POGLUT3: variants seen among roughly 807,000 people sequenced by gnomAD.
POGLUT3 encodes the protein protein O-glucosyltransferase 3.
A neutral mutation model predicts 54.3 loss-of-function variants in POGLUT3; 48 were observed. The observed-to-expected ratio is 0.88, with a 90% confidence interval of 0.70 to 1.12. The LOEUF is 1.12. POGLUT3 is among the 50% of genes most tolerant of loss of function. POGLUT3 has a pLI of 0.00. For missense variants in POGLUT3, 629 were observed against 618.7 expected (o/e 1.02, Z -0.18); for synonymous variants, 218 against 237.4 (o/e 0.92, Z 0.75).
At chr11:108,496,900 A>C (rs1250695960) in intron 1 of POGLUT3, among the ~76,000 whole-genome samples, 3 of 152,102 alleles carry the variant, frequency 2.0e-5, no homozygotes, top group Admixed American at 2.0e-4. Flanking sequence ...TACAGTACTT[A>C]TTTTCCCGAA....
intron 2 of POGLUT3, among the ~76,000 whole-genome samples, chr11:108,487,702 C>A (rs2093606113): frequency 6.6e-6 from 1 of 152,086 alleles, no homozygotes; most frequent in Non-Finnish European, 1.5e-5. Context: ...ACCTCCTCCT[C>A]CCATGCTCAA....
intron 1 of POGLUT3, among the ~76,000 whole-genome samples, chr11:108,493,742 T>G (rs2093617086): frequency 6.8e-6 from 1 of 146,728 alleles, no homozygotes; most frequent in South Asian, 2.1e-4. Context: ...AGGCGGAGGT[T>G]GCAGTGAGCC....
chr11:108,477,683 G>A lies in POGLUT3; in HGVS notation c.1322C>T (p.Ala441Val). Residue 441 changes from alanine to valine, a missense_variant, in exon 7 of 8, where the codon GCA becomes GTA. By Grantham distance (64) the Ala-to-Val change is moderately conservative. Transcript: ENST00000323468. ...KENDEEAKKI[A>V]KEGQLMARDL... ...CCTAGCCATCAACTGTCCTTCTTTT[G>A]CAATCTTCTTGGCTTCTTCATCATT... 1.2e-6 allele frequency: 2 copies of A among 1,612,516 alleles called. No individual in the cohort carries two copies. Among genetic ancestry groups the A allele is most frequent in the Non-Finnish European group, 1.7e-6 (2 of 1,178,770 alleles).
chr11:108,493,803 CAAAAA>C (rs11351337), intron 1 of POGLUT3, among the ~76,000 whole-genome samples: 1 of 82,064 alleles, frequency 1.2e-5, no homozygotes. Context: ...GACTCTGTCT[CAAAAA>C]AAAAAAAAAA....
In POGLUT3 at chr11:108,481,324, G is replaced by T; in HGVS notation, c.954C>A (p.Ser318Arg). 1 of 1,610,310 alleles carries T rather than the reference G, an allele frequency of 6.2e-7. No individual in the cohort carries two copies. The highest frequency in any genetic ancestry group is 1.1e-5 in the South Asian group (1 of 90,022). The stretch of plus-strand genomic sequence containing the variant: ...GTACCAACTGGAGCCTCTCCTCTCG[G>T]CTGTCTCTACCTCTGAAGAAAGCTC... Reference protein sequence around the residue: ...TERAFFRGRDSREERLQLVQL... With the variant: ...TERAFFRGRDRREERLQLVQL... The change falls in exon 5 of 8, where the codon AGC becomes AGA. Residue 318 changes from serine (S) to arginine (R), a missense_variant. Ser to Arg is a moderately radical substitution (Grantham distance 110, BLOSUM62 -1). Coordinates refer to ENST00000323468, the MANE Select transcript of POGLUT3 (RefSeq NM_153705.5).
chr11:108,491,368 T>TC, intron 1 of POGLUT3: 2 of 605,202 alleles, frequency 3.3e-6, no homozygotes, highest in Non-Finnish European at 2.9e-6. Flanking sequence ...TTTTTTTTCT[T>TC]TTTTGAGACA....
intron 2 of POGLUT3, among the ~76,000 whole-genome samples, chr11:108,490,124 T>C (rs1320712161): frequency 6.6e-6 from 1 of 152,164 alleles, no homozygotes; most frequent in Admixed American, 6.5e-5. Context: ...AGTGATCCTC[T>C]GGCCTTGGCC....
chr11:108,498,097 A>C, intron 1 of POGLUT3, 68 bp downstream of exon 1: 1 of 1,347,460 alleles, frequency 7.4e-7, no homozygotes, highest in Non-Finnish European at 9.7e-7. Flanking sequence ...CCGCGGGCGG[A>C]CTCCCGGGCG....
chr11:108,476,468 C>G (rs1397751125), intron 7 of POGLUT3, among the ~76,000 whole-genome samples: 2 of 152,070 alleles, frequency 1.3e-5, no homozygotes, highest in Non-Finnish European at 2.9e-5. Flanking sequence ...ACGATTAAAG[C>G]TAGACCAACA....
intron 2 of POGLUT3, among the ~76,000 whole-genome samples, chr11:108,488,315 G>A (rs138304575): frequency 0.014 from 2,138 of 152,282 alleles, 34 homozygotes; most frequent in Non-Finnish European, 0.02. Flanking sequence ...GTGAGTCACC[G>A]CACCTGGCCT....
intron 3 of POGLUT3, among the ~76,000 whole-genome samples, chr11:108,485,125 G>GT (rs1259228043): frequency 4.6e-5 from 7 of 151,402 alleles, no homozygotes; most frequent in Non-Finnish European, 8.8e-5. Context: ...TTGTTTGTTT[G>GT]TTTTTTAGTA....
rs1416849310 is a variant in POGLUT3 at position 108,474,557 on chromosome 11, T to G, written c.*270A>C. 8.5e-6 allele frequency: 2 copies of G among 234,826 alleles called. No individual in the cohort carries two copies. Among genetic ancestry groups the G allele is most frequent in the African/African-American group, 2.3e-5 (1 of 44,434 alleles). The allele number at this position is 234,826 out of a possible 1,614,324, so 14.5% of individuals were successfully genotyped here. Reference sequence around the variant, plus strand: ...ATATATAAAATATAAATGAATTTTGTGTTTAGACTTGGATCTCATCCCCAA... The same window carrying G: ...ATATATAAAATATAAATGAATTTTGGGTTTAGACTTGGATCTCATCCCCAA... On this transcript the variant is annotated 3_prime_UTR_variant, in exon 8 of 8. Coordinates refer to ENST00000323468, the MANE Select transcript of POGLUT3 (RefSeq NM_153705.5).
chr11:108,476,026 A>ACACAGC (rs2093581038), intron 7 of POGLUT3, among the ~76,000 whole-genome samples: 26 of 152,210 alleles, frequency 1.7e-4, no homozygotes, highest in Non-Finnish European at 3.1e-4. Flanking sequence ...AGTCCCAGCT[A>ACACAGC]CTAGTGGGAG....
At chr11:108,475,275 T>G (rs1211535453) in intron 7 of POGLUT3, among the ~76,000 whole-genome samples, 1 of 152,120 alleles carries the variant, frequency 6.6e-6, no homozygotes, top group African/African-American at 2.4e-5. Context: ...CCACTTGTTA[T>G]TGAATAATTA....
intron 2 of POGLUT3, among the ~76,000 whole-genome samples, 195 bp downstream of exon 2, chr11:108,490,775 C>T (rs1298681665): frequency 1.3e-5 from 2 of 151,834 alleles, no homozygotes; most frequent in Non-Finnish European, 2.9e-5. Context: ...GATGTAAATA[C>T]ACAAGATTTT....
chr11:108,479,267 T>C (rs1264594654), intron 6 of POGLUT3, 34 bp downstream of exon 6: 4 of 1,468,200 alleles, frequency 2.7e-6, no homozygotes, highest in Middle Eastern at 2.0e-4. Context: ...GAATTTGTTA[T>C]TGCTTAAAGA....
At chr11:108,475,458 TTTTTGTTTTTG>T (rs1304654979) in intron 7 of POGLUT3, among the ~76,000 whole-genome samples, 1 of 123,694 alleles carries the variant, frequency 8.1e-6, no homozygotes, top group African/African-American at 3.3e-5. Context: ...AATGGAGTTT[TTTTTGTTTTTG>T]TTTTTTTTTT....
rs371693827 is a variant in POGLUT3, at chr11:108,479,310, T to C, written c.1284A>G (p.Lys428=). ...ATTGCTGGACGCATACCTTAGCCCA[T>C]TTAACTTTCTCTAATAAATCACTCA... The part of the protein sequence containing the change: ...RNLSDLLEKV[K]WAKENDEEAK... The change falls in exon 6 of 8, where the codon AAA becomes AAG. Residue 428 remains lysine (K), a synonymous_variant. Transcript: ENST00000323468. 32 of 1,608,698 alleles carry C rather than the reference T, an allele frequency of 2.0e-5. No homozygotes were observed. The highest frequency in any genetic ancestry group is 2.6e-5 in the Non-Finnish European group (31 of 1,178,666).
At position 108,482,200 on chromosome 11, in the gene POGLUT3, A is replaced by C. The variant is rs750787710; in HGVS notation, c.707T>G (p.Phe236Cys). The change falls in exon 4 of 8, where the codon TTT (phenylalanine) becomes TGT (cysteine). Residue 236 changes from phenylalanine (F) to cysteine (C), a missense_variant. By Grantham distance (205) the Phe-to-Cys change is radical. Transcript: ENST00000323468. The stretch of plus-strand genomic sequence containing the variant: ...GGGCCAATCTCCAAGATTAACATAA[A>C]ATTCTAAATCTGGGAGAAGGACCTA... ...TRKVLLPDLEFYVNLGDWPLE... is the reference protein window; with the variant it reads ...TRKVLLPDLECYVNLGDWPLE... 1.7e-5 allele frequency: 28 copies of C among 1,613,666 alleles called. No homozygotes were observed. Among genetic ancestry groups the C allele is most frequent in the Non-Finnish European group, 2.3e-5 (27 of 1,179,732 alleles).
Sources: allele counts gnomAD v4.1 joint callset (sites outside exome capture counted in the v4.1 genomes callset), GRCh38; gene constraint gnomAD v4.1.1; transcripts MANE v1.5; gene names NCBI Gene and HGNC (gene_info 2026-07-23, HGNC 2026-07-21).